Variants in ATP9B observed in about 807,000 individuals in gnomAD.
ATP9B encodes probable phospholipid-transporting ATPase IIB.
In ATP9B, 110 loss-of-function variants were observed where a neutral mutation model predicts 146.1. The observed-to-expected ratio is 0.75, with a 90% CI of 0.65 to 0.88. The LOEUF (loss-of-function observed/expected upper bound fraction) is 0.88. Among genes scored for constraint, ATP9B ranks in the 40% least tolerant of loss-of-function variants. ATP9B has a pLI of 0.00. For synonymous variants in ATP9B, 604 were observed against 569.7 expected (o/e 1.06, Z -0.86); for missense variants, 1,499 against 1,496.4 (o/e 1.00, Z -0.03).
chr18:79,319,622 C>T (rs147202056), intron 15 of ATP9B, among the ~76,000 whole-genome samples: 1 of 152,302 alleles, frequency 6.6e-6, no homozygotes, highest in Admixed American at 6.5e-5. Flanking sequence ...AATCACTGTC[C>T]TCAGTGTCTC....
intron 1 of ATP9B, among the ~76,000 whole-genome samples, chr18:79,070,429 C>G (rs1354670085): frequency 6.6e-6 from 1 of 152,168 alleles, no homozygotes; most frequent in African/African-American, 2.4e-5. Flanking sequence ...TATTTAAACT[C>G]AAGCCATGGT....
At position 79,101,617 on chromosome 18, in the gene ATP9B, T is replaced by C. The variant is rs145422105; in HGVS notation, c.293+4968T>C. ...CTTTTTAAGAAACTGCCAAAATATT[T>C]CCCAGAGTTGCTGTACCATTTTACA... On this transcript the variant is annotated intron_variant, in intron 2 of 29. Transcript: ENST00000426216. 5.1e-3 allele frequency among the ~76,000 whole-genome samples: 781 copies of C among 152,134 alleles called. 4 individuals are homozygous for C. Among genetic ancestry groups the C allele is most frequent in the African/African-American group, 0.018 (755 of 41,560 alleles).
chr18:79,265,968 A>G (rs1460085576), intron 12 of ATP9B, among the ~76,000 whole-genome samples: 2 of 152,212 alleles, frequency 1.3e-5, no homozygotes, highest in Non-Finnish European at 2.9e-5. Flanking sequence ...CCAGCCAGTT[A>G]TCTCAGCACC....
At chr18:79,075,840 G>C (rs929926863) in intron 1 of ATP9B, among the ~76,000 whole-genome samples, 1 of 151,446 alleles carries the variant, frequency 6.6e-6, no homozygotes, top group African/African-American at 2.4e-5. Context: ...TTTGTTTCTC[G>C]GTTTTCTTTT....
chr18:79,100,014 A>G (rs753371423), intron 2 of ATP9B, among the ~76,000 whole-genome samples: 3 of 152,112 alleles, frequency 2.0e-5, no homozygotes, highest in East Asian at 1.9e-4. Context: ...AGCCCCAGCT[A>G]TGCGGGAGGC....
intron 8 of ATP9B, among the ~76,000 whole-genome samples, chr18:79,192,074 T>C (rs1180897020): frequency 2.6e-5 from 4 of 152,280 alleles, no homozygotes; most frequent in African/African-American, 9.6e-5. Flanking sequence ...GGATATAGTT[T>C]AGGGCATGAT....
At chr18:79,196,519 C>CT (rs2148191337) in intron 9 of ATP9B, among the ~76,000 whole-genome samples, 1 of 152,246 alleles carries the variant, frequency 6.6e-6, no homozygotes, top group African/African-American at 2.4e-5. Context: ...TTAAGGCAGT[C>CT]AGAGACTATT....
intron 4 of ATP9B, among the ~76,000 whole-genome samples, 189 bp from the exon 5 acceptor site, chr18:79,126,078 G>A (rs1157999398): frequency 6.6e-6 from 1 of 152,080 alleles, no homozygotes; most frequent in East Asian, 1.9e-4. Flanking sequence ...TATACTAAGA[G>A]TTGCATACCT....
intron 12 of ATP9B, among the ~76,000 whole-genome samples, chr18:79,268,862 C>T (rs1246872635): frequency 6.6e-6 from 1 of 152,132 alleles, no homozygotes; most frequent in Non-Finnish European, 1.5e-5. Flanking sequence ...GGCCATCCTT[C>T]TTGGAAAATA....
At chr18:79,071,399 C>CTTTTTT (rs56119715) in intron 1 of ATP9B, among the ~76,000 whole-genome samples, 9,810 of 69,202 alleles carry the variant, frequency 0.14, 2,547 homozygotes, top group Non-Finnish European at 0.2. Flanking sequence ...ATTGTTCTTC[C>CTTTTTT]TTTTTTTTTT....
chr18:79,165,448 G>C (rs1352472805), intron 7 of ATP9B, among the ~76,000 whole-genome samples: 1 of 152,192 alleles, frequency 6.6e-6, no homozygotes, highest in Non-Finnish European at 1.5e-5. Context: ...TTCCTTTCCA[G>C]TTGTGAAAAC....
intron 4 of ATP9B, among the ~76,000 whole-genome samples, chr18:79,119,955 A>T (rs1250244858): frequency 6.6e-6 from 1 of 152,228 alleles, no homozygotes; most frequent in East Asian, 1.9e-4. Flanking sequence ...TTGAATAATT[A>T]GACAAAGTTA....
chr18:79,225,285 C>T (rs1224320199), intron 11 of ATP9B, among the ~76,000 whole-genome samples: 1 of 152,178 alleles, frequency 6.6e-6, no homozygotes, highest in Admixed American at 6.5e-5. Context: ...TTAACTAAAA[C>T]ATGTATATAA....
At chr18:79,179,100 C>A (rs898231657) in intron 8 of ATP9B, among the ~76,000 whole-genome samples, 1 of 152,174 alleles carries the variant, frequency 6.6e-6, no homozygotes, top group Non-Finnish European at 1.5e-5. Context: ...TGGTTCATTT[C>A]ACGTAAGTTG....
chr18:79,244,938 T>TA (rs1382875516), intron 11 of ATP9B, among the ~76,000 whole-genome samples: 1 of 152,220 alleles, frequency 6.6e-6, no homozygotes, highest in Non-Finnish European at 1.5e-5. Flanking sequence ...CAGTACCACT[T>TA]AGAGTTATTA....
chr18:79,069,917 G>A (rs2071522392), intron 1 of ATP9B, among the ~76,000 whole-genome samples: 1 of 152,264 alleles, frequency 6.6e-6, no homozygotes, highest in Admixed American at 6.5e-5. Flanking sequence ...GAAGGTGACG[G>A]ATGTAACTTT....
rs150796179 is a variant in ATP9B at position 79,347,940 on chromosome 18, G to C, written c.2838+15G>C. 1 of 1,608,886 alleles carries C rather than the reference G, an allele frequency of 6.2e-7. No individual in the cohort carries two copies. On this transcript the variant is annotated intron_variant, in intron 24 of 29. Coordinates refer to ENST00000426216, the MANE Select transcript of ATP9B (RefSeq NM_198531.5). Reference sequence around the variant, plus strand: ...CCACCATGCAGGTACTAAGCCTTCTGTGCTGGCACCCATGGAGGGCAGGGT... The same window carrying C: ...CCACCATGCAGGTACTAAGCCTTCTCTGCTGGCACCCATGGAGGGCAGGGT...
chr18:79,070,122 A>G (rs1280050125), intron 1 of ATP9B, among the ~76,000 whole-genome samples: 2 of 152,246 alleles, frequency 1.3e-5, no homozygotes, highest in Admixed American at 1.3e-4. Context: ...GGTTAGCAGT[A>G]GAATTAGTGT....
chr18:79,272,175 T>C (rs746451409), intron 12 of ATP9B, among the ~76,000 whole-genome samples: 1 of 152,130 alleles, frequency 6.6e-6, no homozygotes, highest in Non-Finnish European at 1.5e-5. Flanking sequence ...TGTTCTCCCA[T>C]TCTGTAGGTT....
Sources: allele counts gnomAD v4.1 joint callset (sites outside exome capture counted in the v4.1 genomes callset), GRCh38; gene constraint gnomAD v4.1.1; transcripts MANE v1.5; gene names NCBI Gene and HGNC (gene_info 2026-07-23, HGNC 2026-07-21).